Variants in IL1RAPL2 observed in about 807,000 individuals in gnomAD.
The protein encoded by IL1RAPL2 is interleukin 1 receptor accessory protein like 2, also known as X-linked interleukin-1 receptor accessory protein-like 2.
Under a neutral mutation model 44.1 loss-of-function variants are expected in IL1RAPL2, and 3 were observed. That is an observed-to-expected ratio of 0.07 (90% confidence interval 0.03 to 0.18). The LOEUF (loss-of-function observed/expected upper bound fraction) is 0.18, where lower values mean the gene tolerates loss of function less well. Among genes scored for constraint, IL1RAPL2 ranks in the 10% least tolerant of loss-of-function variants. IL1RAPL2 has a pLI of 1.00. For missense variants in IL1RAPL2, 391 were observed against 496.4 expected, an observed-to-expected ratio of 0.79 and a Z score of 2.02; for synonymous variants, 181 against 178.8, an observed-to-expected ratio of 1.01 and a Z score of -0.10.
intron 2 of IL1RAPL2, among the ~76,000 whole-genome samples, chrX:104,840,675 CTTT>C (rs776355978): frequency 2.1e-5 from 2 of 94,832 alleles, no homozygotes; most frequent in Non-Finnish European, 4.3e-5. Context: ...AAGTCTCTCA[CTTT>C]TTTTTTTTTT....
intron 4 of IL1RAPL2, among the ~76,000 whole-genome samples, chrX:105,251,308 G>T (rs1333910753): frequency 2.7e-5 from 3 of 109,502 alleles, no homozygotes; most frequent in African/African-American, 9.9e-5. Flanking sequence ...AAAAAAAAAT[G>T]GTTTCCCAAA....
intron 2 of IL1RAPL2, among the ~76,000 whole-genome samples, chrX:104,698,300 T>A (rs1931214205): frequency 8.9e-6 from 1 of 112,374 alleles, no homozygotes; most frequent in Admixed American, 9.4e-5. Context: ...TAGGTCCAAC[T>A]GTACTCAAAG....
intron 2 of IL1RAPL2, among the ~76,000 whole-genome samples, chrX:104,716,227 T>C (rs949680784): frequency 9.0e-6 from 1 of 111,593 alleles, no homozygotes; most frequent in African/African-American, 3.3e-5. Context: ...TGACTAACGA[T>C]ATGCAGAAGA....
intron 6 of IL1RAPL2, among the ~76,000 whole-genome samples, chrX:105,642,361 G>T (rs1253738619): frequency 8.9e-6 from 1 of 112,262 alleles, no homozygotes; most frequent in East Asian, 2.8e-4. Context: ...TATCAGAGAA[G>T]CACTTGGTGT....
At chrX:105,376,359 C>T (rs764872568) in intron 5 of IL1RAPL2, among the ~76,000 whole-genome samples, 1 of 112,144 alleles carries the variant, frequency 8.9e-6, no homozygotes, top group Non-Finnish European at 1.9e-5. Flanking sequence ...GTATTCTTCC[C>T]TCTTCCTCCT....
chrX:105,444,931 C>G (rs2035944720), intron 5 of IL1RAPL2, among the ~76,000 whole-genome samples: 1 of 111,550 alleles, frequency 9.0e-6, no homozygotes, highest in African/African-American at 3.3e-5. Context: ...GAAAGTATTC[C>G]CTTATCCTCT....
intron 1 of IL1RAPL2, among the ~76,000 whole-genome samples, chrX:104,634,639 T>C (rs1245903218): frequency 2.7e-5 from 3 of 111,417 alleles, no homozygotes; most frequent in Non-Finnish European, 5.7e-5. Flanking sequence ...GGTTTAAAGT[T>C]TGTTTTATCA....
intron 2 of IL1RAPL2, among the ~76,000 whole-genome samples, chrX:105,096,908 A>G (rs1300831022): frequency 8.9e-6 from 1 of 111,905 alleles, no homozygotes; most frequent in Non-Finnish European, 1.9e-5. Context: ...AAAAAATTAA[A>G]AATTAATATG....
intron 2 of IL1RAPL2, among the ~76,000 whole-genome samples, chrX:105,179,267 TC>T (rs1365284644): frequency 8.9e-6 from 1 of 112,407 alleles, no homozygotes; most frequent in Non-Finnish European, 1.9e-5. Context: ...CAATATAAGT[TC>T]CTGTTGGCTT....
At chrX:105,614,229 C>T (rs2037356938) in intron 6 of IL1RAPL2, among the ~76,000 whole-genome samples, 1 of 111,551 alleles carries the variant, frequency 9.0e-6, no homozygotes, top group African/African-American at 3.3e-5. Flanking sequence ...TTGAAAGACT[C>T]GATGTTGTTA....
intron 2 of IL1RAPL2, among the ~76,000 whole-genome samples, chrX:105,100,272 G>C (rs2032656350): frequency 1.8e-5 from 2 of 111,688 alleles, no homozygotes; most frequent in African/African-American, 6.5e-5. Context: ...CACAGATAAA[G>C]AAGAACTACT....
At chrX:105,195,000 G>A (rs1469687332) in intron 2 of IL1RAPL2, among the ~76,000 whole-genome samples, 1 of 110,652 alleles carries the variant, frequency 9.0e-6, no homozygotes, top group African/African-American at 3.3e-5. Context: ...TCTAGGCTGT[G>A]TAGAGGTCTC....
intron 1 of IL1RAPL2, among the ~76,000 whole-genome samples, chrX:104,641,178 C>T (rs1312417115): frequency 8.9e-6 from 1 of 111,790 alleles, no homozygotes; most frequent in Non-Finnish European, 1.9e-5. Context: ...GTGGCACTTG[C>T]AGGTAGATGC....
intron 6 of IL1RAPL2, among the ~76,000 whole-genome samples, chrX:105,716,457 C>A (rs17332328): frequency 0.019 from 2,160 of 111,392 alleles, 20 homozygotes; most frequent in Non-Finnish European, 0.029. Context: ...CTCAAGGAGG[C>A]CCCATTTTAC....
chrX:105,218,896 G>T, intron 3 of IL1RAPL2: 40 of 636,998 alleles, frequency 6.3e-5, no homozygotes, highest in Non-Finnish European at 7.9e-5. Flanking sequence ...GCCACCACAA[G>T]CCTGCCCTCT....
chrX:105,755,144 G>A, intron 9 of IL1RAPL2, 33 bp from the exon 10 acceptor site: 1 of 1,055,044 alleles, frequency 9.5e-7, no homozygotes, highest in Non-Finnish European at 1.3e-6. Context: ...CCTGTTAATA[G>A]TTACAACCCT....
intron 2 of IL1RAPL2, among the ~76,000 whole-genome samples, chrX:104,730,152 A>C (rs1206912389): frequency 9.0e-6 from 1 of 111,485 alleles, no homozygotes; most frequent in Non-Finnish European, 1.9e-5. Context: ...ATTTGAAAGA[A>C]ATACTAGGAA....
At chrX:104,867,253 A>T (rs2147650451) in intron 2 of IL1RAPL2, among the ~76,000 whole-genome samples, 1 of 108,572 alleles carries the variant, frequency 9.2e-6, no homozygotes. Context: ...AAAAAAAAAA[A>T]AAAAAAATTG....
intron 7 of IL1RAPL2, among the ~76,000 whole-genome samples, chrX:105,729,379 T>G (rs1165852207): frequency 9.0e-6 from 1 of 111,683 alleles, no homozygotes; most frequent in Non-Finnish European, 1.9e-5. Flanking sequence ...TCAGTAATAC[T>G]GGGTTTCAGT....
Sources: allele counts gnomAD v4.1 joint callset (sites outside exome capture counted in the v4.1 genomes callset), GRCh38; gene constraint gnomAD v4.1.1; transcripts MANE v1.5; gene names NCBI Gene and HGNC (gene_info 2026-07-23, HGNC 2026-07-21).